Variants in PLCH1 observed in about 807,000 individuals in gnomAD.
PLCH1 encodes the protein phospholipase C eta 1.
PLCH1 carries 60 observed loss-of-function variants against 126.7 expected under a neutral mutation model. That is an observed-to-expected ratio of 0.47 (90% CI 0.38 to 0.59). The LOEUF is 0.59. PLCH1 is among the 20% of genes least tolerant of loss of function. The probability of loss-of-function intolerance (pLI) is 0.00; values close to 1 mark genes in which losing one functional copy is unlikely to be tolerated. For synonymous variants in PLCH1, 719 were observed against 734.9 expected, an observed-to-expected ratio of 0.98 and a Z score of 0.35; for missense variants, 1,723 against 2,040.0, an observed-to-expected ratio of 0.84 and a Z score of 2.99.
chr3:155,548,865 A>C (rs1339641172), intron 10 of PLCH1, among the ~76,000 whole-genome samples: 2 of 152,182 alleles, frequency 1.3e-5, no homozygotes, highest in Non-Finnish European at 2.9e-5. Flanking sequence ...TCTAAGAATG[A>C]ATATGTTCCA....
At chr3:155,691,007 A>C (rs552979931) in intron 2 of PLCH1, among the ~76,000 whole-genome samples, 1 of 152,100 alleles carries the variant, frequency 6.6e-6, no homozygotes, top group Non-Finnish European at 1.5e-5. Flanking sequence ...AGGGCAACTC[A>C]CACTGTGTCT....
At chr3:155,537,217 A>AC (rs1723533424) in intron 10 of PLCH1, among the ~76,000 whole-genome samples, 1 of 9,724 alleles carries the variant, frequency 1.0e-4, no homozygotes, top group Admixed American at 9.3e-4. Context: ...AAAAAAAAAA[A>AC]AAAAAAAAAA....
At chr3:155,555,391 A>G (rs1726692887) in intron 8 of PLCH1, among the ~76,000 whole-genome samples, 2 of 152,338 alleles carry the variant, frequency 1.3e-5, no homozygotes, top group African/African-American at 4.8e-5. Context: ...TTACATAATC[A>G]TTCGTCTTCT....
At chr3:155,453,258 A>G (rs1183329386) in intron 21 of PLCH1, among the ~76,000 whole-genome samples, 2 of 152,220 alleles carry the variant, frequency 1.3e-5, no homozygotes, top group African/African-American at 4.8e-5. Flanking sequence ...ATTAAATGCA[A>G]TGTGGGATCC....
chr3:155,657,249 A>G (rs1741510767), intron 2 of PLCH1, among the ~76,000 whole-genome samples: 2 of 152,224 alleles, frequency 1.3e-5, no homozygotes, highest in African/African-American at 4.8e-5. Context: ...TCTGAGAGAC[A>G]GGAACCAAAT....
chr3:155,541,041 C>T (rs372478063), intron 10 of PLCH1, among the ~76,000 whole-genome samples: 31 of 151,984 alleles, frequency 2.0e-4, no homozygotes, highest in Non-Finnish European at 3.2e-4. Flanking sequence ...ATATATACAC[C>T]GTGGAATACT....
chr3:155,458,666 A>G (rs1203086027), intron 21 of PLCH1, among the ~76,000 whole-genome samples: 1 of 152,220 alleles, frequency 6.6e-6, no homozygotes, highest in Non-Finnish European at 1.5e-5. Flanking sequence ...CAAATAGTTA[A>G]GTCCCATGGA....
intron 10 of PLCH1, among the ~76,000 whole-genome samples, chr3:155,535,447 T>C (rs1263064669): frequency 6.6e-6 from 1 of 152,100 alleles, no homozygotes; most frequent in African/African-American, 2.4e-5. Flanking sequence ...TCGGTGCTGG[T>C]GGTGGGAATG....
Position 155,583,578 on chromosome 3 carries a change from A to G in PLCH1, c.665T>C (p.Met222Thr), listed in dbSNP as rs780151762. The change falls in exon 6 of 23, where the codon ATG (methionine) becomes ACG (threonine). Residue 222 changes from methionine to threonine, a missense_variant. By Grantham distance (81) the Met-to-Thr change is moderately conservative. Around this residue, in one of 2 missense-constraint regions of PLCH1, gnomAD observed 776 missense variants for 1,062.9 expected, o/e 0.73. Transcript: ENST00000460012. ...TFEEFCVFYKMMSLRRDLYLL... is the reference protein window; with the variant it reads ...TFEEFCVFYKTMSLRRDLYLL... ...ATAAAGGTCTCGTCTCAAAGACATC[A>G]TTTTGTAAAAAACACAGAACTCTTC... 3.1e-6 allele frequency: 5 copies of G among 1,603,666 alleles called. No homozygotes were observed. Among genetic ancestry groups the G allele is most frequent in the East Asian group, 4.5e-5 (2 of 44,330 alleles).
chr3:155,476,853 C>T (rs373521071), downstream of PLCH1, among the ~76,000 whole-genome samples: 7 of 152,168 alleles, frequency 4.6e-5, no homozygotes, highest in South Asian at 1.5e-3. Context: ...TCGATGCAAT[C>T]CCTATCAAAA....
Position 155,458,554 on chromosome 3 carries a change from GAGAA to G in PLCH1, c.2938+26798_2938+26801del, listed in dbSNP as rs1204165281. 6.2e-3 allele frequency among the ~76,000 whole-genome samples: 832 copies of G among 134,656 alleles called. 27 individuals carry two copies. Among genetic ancestry groups the G allele is most frequent in the African/African-American group, 0.026 (803 of 30,350 alleles). The allele number at this position is 134,656 out of a possible 152,430, so 88.3% of individuals were successfully genotyped here. A position where few individuals can be genotyped will look rare whatever the true frequency, so the allele number is the denominator to read the frequency against. ...AGAAAGAAAAAGAAAAAGAAAGAAA[GAGAA>G]AAAGAAAGAAAGAAAGAAAGAAAGG... On this transcript the variant is annotated intron_variant, in intron 21 of 21. Coordinates refer to the PLCH1 transcript ENST00000494598.
chr3:155,549,557 T>A (rs543877799), intron 10 of PLCH1, among the ~76,000 whole-genome samples: 8 of 152,350 alleles, frequency 5.3e-5, no homozygotes, highest in Admixed American at 5.2e-4. Flanking sequence ...ACAGTATTGA[T>A]GTTTCCACTT....
intron 2 of PLCH1, among the ~76,000 whole-genome samples, chr3:155,623,615 A>G (rs1736824094): frequency 1.3e-5 from 2 of 152,176 alleles, no homozygotes; most frequent in South Asian, 4.1e-4. Flanking sequence ...TACATCAGAG[A>G]ATACTATGAA....
intron 2 of PLCH1, among the ~76,000 whole-genome samples, chr3:155,603,151 CA>C (rs766671212): frequency 4.6e-5 from 5 of 108,730 alleles, no homozygotes; most frequent in Admixed American, 9.5e-5. Context: ...ACAACAACAA[CA>C]AAAAAAAAAG....
At chr3:155,662,946 G>A (rs1742344531) in intron 2 of PLCH1, among the ~76,000 whole-genome samples, 1 of 152,160 alleles carries the variant, frequency 6.6e-6, no homozygotes, top group African/African-American at 2.4e-5. Context: ...TTACAGACTG[G>A]AGCCACCACT....
Position 155,629,251 on chromosome 3 carries a change from T to A in PLCH1, c.80-32873A>T, listed in dbSNP as rs9823723. On this transcript the variant is annotated intron_variant, in intron 2 of 22. Coordinates refer to ENST00000460012, the MANE Select transcript of PLCH1 (RefSeq NM_014996.4). ...CAAAGTAGTGGCAGATTCTCAGTTA[T>A]CTGAAATTCTACAGCAGGACAATAA... Among the ~76,000 whole-genome samples, 80 of 152,020 alleles carry A rather than the reference T, an allele frequency of 5.3e-4. 1 individual carries two copies. Among genetic ancestry groups the A allele is most frequent in the African/African-American group, 1.9e-3 (78 of 41,362 alleles).
intron 2 of PLCH1, among the ~76,000 whole-genome samples, chr3:155,701,801 G>T (rs143638479): frequency 1.3e-5 from 2 of 152,276 alleles, no homozygotes; most frequent in East Asian, 3.9e-4. Flanking sequence ...CTTAAGTCAA[G>T]TAAGTTCCTA....
chr3:155,475,276 T>C (rs76510639), downstream of PLCH1, among the ~76,000 whole-genome samples: 8,530 of 151,840 alleles, frequency 0.056, 429 homozygotes, highest in African/African-American at 0.14. Flanking sequence ...TAGAAAACGA[T>C]AATGGAAATA....
rs376822482 is a variant in PLCH1 at position 155,454,157 on chromosome 3, G to A, written c.2938+31199C>T. Among the ~76,000 whole-genome samples the A allele has an allele frequency of 2.3e-4, 35 of 152,174 alleles. No individual in the cohort carries two copies. In the South Asian group the frequency reaches 5.4e-3, roughly 23 times the overall value. Reference sequence around the variant, plus strand: ...TAATTCATATAATCTTCATGTTATTGAGCAAATGGGCTTGCTATCTGATGT... The same window carrying A: ...TAATTCATATAATCTTCATGTTATTAAGCAAATGGGCTTGCTATCTGATGT... On this transcript the variant is annotated intron_variant, in intron 21 of 21. Transcript: ENST00000494598.
Sources: allele counts gnomAD v4.1 joint callset (sites outside exome capture counted in the v4.1 genomes callset), GRCh38; gene constraint gnomAD v4.1.1; regional missense constraint gnomAD v4.1.1; transcripts MANE v1.5; gene names NCBI Gene and HGNC (gene_info 2026-07-23, HGNC 2026-07-21).